Variants in IRF1 observed in about 807,000 individuals in gnomAD.
IRF1 encodes the protein interferon regulatory factor 1, also known as interferon regulatory factor-1.
IRF1 carries 13 observed loss-of-function variants against 43.7 expected under a neutral mutation model. The ratio of observed to expected loss-of-function variants is 0.30; its 90% CI spans 0.19 to 0.47. The LOEUF is 0.47. Among genes scored for constraint, IRF1 ranks in the 20% least tolerant of loss-of-function variants. The pLI is 0.99. For synonymous variants in IRF1, 138 were observed against 146.8 expected, an observed-to-expected ratio of 0.94 and a Z score of 0.43; for missense variants, 236 against 408.9, an observed-to-expected ratio of 0.58 and a Z score of 3.65.
intron 3 of IRF1, chr5:132,487,643 C>T: frequency 2.1e-6 from 1 of 483,290 alleles, no homozygotes; most frequent in African/African-American, 1.9e-5. Context: ...CCCTGGCTTA[C>T]AGCTGCTTTT....
chr5:132,485,569 C>G (rs2060940915), intron 8 of IRF1, 98 bp downstream of exon 8: 1 of 956,630 alleles, frequency 1.0e-6, no homozygotes. Context: ...CAGGTGACAA[C>G]AGCAGCTACC....
At chr5:132,488,712 C>T (rs1302727827) in intron 2 of IRF1, 2 of 152,958 alleles carry the variant, frequency 1.3e-5, no homozygotes, top group African/African-American at 4.8e-5. Flanking sequence ...ATCTTGGCTT[C>T]ATCACTTTTT....
Position 132,482,069 on chromosome 5 carries a change from T to G in IRF1, c.*1882A>C, listed in dbSNP as rs76417825. 1 of 151,846 alleles carries G rather than the reference T, an allele frequency of 6.6e-6. No individual in the cohort carries two copies. The highest frequency in any genetic ancestry group is 1.5e-5 in the Non-Finnish European group (1 of 68,014). The allele number at this position is 151,846 out of a possible 1,614,324, so 9.4% of individuals were successfully genotyped here. A position where few individuals can be genotyped will look rare whatever the true frequency, so the allele number is the denominator to read the frequency against. On this transcript the variant is annotated 3_prime_UTR_variant, in exon 10 of 10. Transcript: ENST00000245414. ...ATAAACAAAAGGATTTTTTTTTTTT[T>G]GAGACAAAGTCTCACTCTTGTCACC...
intron 1 of IRF1, chr5:132,489,787 T>G (rs1271232285): frequency 3.5e-6 from 1 of 287,908 alleles, no homozygotes; most frequent in Non-Finnish European, 6.9e-6. Context: ...ACAGATACCC[T>G]AATTTCAGAA....
intron 2 of IRF1, 118 bp from the exon 3 acceptor site, chr5:132,488,143 CT>C: frequency 1.4e-6 from 1 of 723,050 alleles, no homozygotes. Context: ...CTGACTTCCC[CT>C]TTTTTCCCCT....
rs1448066152 is a variant in IRF1 at position 132,490,449 on chromosome 5, G to A, written c.-6+96C>T. ...CCCGGGCAACGCCGCGCGCCGGCGA[G>A]TCTCCAGCCTGGAGCTTTCGACCCC... is the stretch of plus-strand genomic sequence containing the variant. On this transcript the variant is annotated intron_variant, in intron 1 of 9. Transcript: ENST00000245414. This position sits in a 1 kb window ranked among gnomAD's most constrained non-coding sequence, Gnocchi z 5.8. 6.6e-6 allele frequency: 1 copy of A among 150,826 alleles called. No individual in the cohort carries two copies. The highest frequency in any genetic ancestry group is 1.5e-5 in the Non-Finnish European group (1 of 67,602). The allele number at this position is 150,826 out of a possible 1,614,324, so 9.3% of individuals were successfully genotyped here.
Position 132,483,912 on chromosome 5 carries a change from C to T in IRF1, c.*39G>A. On this transcript the variant is annotated 3_prime_UTR_variant, in exon 10 of 10. Transcript: ENST00000245414. ...ACCATATCCACCATGATGCCAGGTC[C>T]TGCTTGCCTAGAGGAATAAGAGGGG... The T allele has an allele frequency of 6.2e-7, 1 of 1,609,002 alleles. No individual in the cohort carries two copies. Among genetic ancestry groups the T allele is most frequent in the African/African-American group, 1.3e-5 (1 of 74,924 alleles).
rs1295018237 is a variant in IRF1 at position 132,482,335 on chromosome 5, C to T, written c.*1616G>A. On this transcript the variant is annotated 3_prime_UTR_variant, in exon 10 of 10. Transcript: ENST00000245414. Reference sequence around the variant, plus strand: ...CGGGGTTCATGCCATTCTCCTGCCTCAGCCTCCCGAGTAGCTGGGACTACA... The same window carrying T: ...CGGGGTTCATGCCATTCTCCTGCCTTAGCCTCCCGAGTAGCTGGGACTACA... 6.6e-6 allele frequency: 1 copy of T among 151,836 alleles called. No individual in the cohort carries two copies. The allele number at this position is 151,836 out of a possible 1,614,324, so 9.4% of individuals were successfully genotyped here.
chr5:132,482,673 T>G lies in IRF1; in HGVS notation c.*1278A>C, dbSNP rs1022124247. On this transcript the variant is annotated 3_prime_UTR_variant, in exon 10 of 10. Coordinates refer to ENST00000245414, the MANE Select transcript of IRF1 (RefSeq NM_002198.3). ...CCGGCCAAATGAAAGGTTTTTTTTT[T>G]TTTTTTTTTTTTTGGTGCCCGGGCT... The G allele has an allele frequency of 6.8e-6, 1 of 147,808 alleles. No homozygotes were observed. Among genetic ancestry groups the G allele is most frequent in the African/African-American group, 2.5e-5 (1 of 40,096 alleles). The allele number at this position is 147,808 out of a possible 1,614,324, so 9.2% of individuals were successfully genotyped here. A position where few individuals can be genotyped will look rare whatever the true frequency, so the allele number is the denominator to read the frequency against.
chr5:132,484,751 C>G (rs1387762112), intron 8 of IRF1: 3 of 483,508 alleles, frequency 6.2e-6, no homozygotes, highest in Non-Finnish European at 1.1e-5. Flanking sequence ...AGCATCTCCA[C>G]GACTTCCCTC....
rs777160756 is a variant in IRF1 at position 132,483,944 on chromosome 5, G to A, written c.*7C>T. On this transcript the variant is annotated 3_prime_UTR_variant, in exon 10 of 10. Transcript: ENST00000245414. ...CCTAGAGGAATAAGAGGGGCCCAGG[G>A]GCCCTGCTACGGTGCACAGGGAATG... The A allele has an allele frequency of 1.2e-6, 2 of 1,612,582 alleles. No homozygotes were observed. The highest frequency in any genetic ancestry group is 2.7e-5 in the African/African-American group (2 of 74,850).
intron 7 of IRF1, 28 bp downstream of exon 7, chr5:132,486,223 A>C: frequency 6.2e-7 from 1 of 1,610,930 alleles, no homozygotes; most frequent in Non-Finnish European, 8.5e-7. Flanking sequence ...ACAGTCAAGC[A>C]GGCAGGCCAG....
At position 132,483,887 on chromosome 5, in the gene IRF1, A is replaced by C; in HGVS notation, c.*64T>G. 6.3e-7 allele frequency: 1 copy of C among 1,597,074 alleles called. No individual in the cohort carries two copies. Among genetic ancestry groups the C allele is most frequent in the South Asian group, 1.1e-5 (1 of 89,918 alleles). The stretch of plus-strand genomic sequence containing the variant: ...GCCCACAGAAGTCCAGCTTCTCTGC[A>C]CCATATCCACCATGATGCCAGGTCC... On this transcript the variant is annotated 3_prime_UTR_variant, in exon 10 of 10. Transcript: ENST00000245414.
chr5:132,487,971 T>C lies in IRF1; in HGVS notation c.142A>G (p.Ile48Val). 6.2e-7 allele frequency: 1 copy of C among 1,613,688 alleles called. No homozygotes were observed. The highest frequency in any genetic ancestry group is 8.5e-7 in the Non-Finnish European group (1 of 1,179,976). Residue 48 changes from isoleucine (I) to valine (V), a missense_variant, in exon 3 of 10, where the codon ATC becomes GTC. Ile to Val is a conservative substitution (Grantham distance 29). Around this residue, in one of 2 missense-constraint regions of IRF1, gnomAD observed 66 missense variants for 157.1 expected, o/e 0.42. Transcript: ENST00000245414. ...WKHAAKHGWDINKDACLFRSW... is the reference protein window; with the variant it reads ...WKHAAKHGWDVNKDACLFRSW... ...CGGAACAAACAGGCATCCTTGTTGA[T>C]GTCCCAGCCATGCTTGGCAGCATGC...
At chr5:132,489,779 AG>A (rs954854726) in intron 1 of IRF1, 1 of 302,018 alleles carries the variant, frequency 3.3e-6, no homozygotes, top group African/African-American at 2.1e-5. Context: ...CAAAATGCAC[AG>A]ATACCCTAAT....
rs1413002200 is a variant in IRF1 at position 132,483,900 on chromosome 5, T to C, written c.*51A>G. On this transcript the variant is annotated 3_prime_UTR_variant, in exon 10 of 10. Coordinates refer to ENST00000245414, the MANE Select transcript of IRF1 (RefSeq NM_002198.3). ...CAGCTTCTCTGCACCATATCCACCA[T>C]GATGCCAGGTCCTGCTTGCCTAGAG... 1.9e-6 allele frequency: 3 copies of C among 1,605,422 alleles called. No individual in the cohort carries two copies. The highest frequency in any genetic ancestry group is 1.3e-5 in the African/African-American group (1 of 74,800).
Position 132,486,713 on chromosome 5 carries a change from C to G in IRF1, c.415-27G>C, listed in dbSNP as rs1312785991. On this transcript the variant is annotated intron_variant, in intron 5 of 9. Transcript: ENST00000245414. ...TGTCGAGGGAGAAAGCAGCTTAGGC[C>G]CAGGCCCACCTTAGCATTTCTTCCA... is the stretch of plus-strand genomic sequence containing the variant. 3 of 1,613,922 alleles carry G rather than the reference C, an allele frequency of 1.9e-6. No homozygotes were observed. In the Admixed American group the frequency reaches 5.0e-5, roughly 27 times the overall value.
Position 132,486,231 on chromosome 5 carries a change from C to T in IRF1, c.667+20G>A. On this transcript the variant is annotated intron_variant, in intron 7 of 9. Transcript: ENST00000245414. ...GACCCAGACAGTCAAGCAGGCAGGCCAGGCCCCAGGAGCACCAACCTTCAG... is the reference window on the plus strand; with the variant it reads ...GACCCAGACAGTCAAGCAGGCAGGCTAGGCCCCAGGAGCACCAACCTTCAG... 1 of 1,612,150 alleles carries T rather than the reference C, an allele frequency of 6.2e-7. No individual in the cohort carries two copies. Among genetic ancestry groups the T allele is most frequent in the African/African-American group, 1.3e-5 (1 of 75,004 alleles).
At chr5:132,489,541 G>C (rs112717490) in intron 1 of IRF1, 58 bp from the exon 2 acceptor site, 2 of 1,382,742 alleles carry the variant, frequency 1.4e-6, no homozygotes, top group Admixed American at 3.4e-5. Flanking sequence ...CCTGGGCAGT[G>C]ACCTGCCCCA....
Sources: allele counts gnomAD v4.1 joint callset, GRCh38; gene constraint gnomAD v4.1.1; regional missense constraint gnomAD v4.1.1; non-coding constraint Gnocchi (gnomAD v3.1); transcripts MANE v1.5; gene names NCBI Gene and HGNC (gene_info 2026-07-23, HGNC 2026-07-21).